The following C4orf33 variants were observed in gnomAD, a reference collection of about 807,000 sequenced individuals.
The protein encoded by C4orf33 is UPF0462 protein C4orf33.
C4orf33 carries 20 observed loss-of-function variants against 24.3 expected under a neutral mutation model. The ratio of observed to expected loss-of-function variants is 0.82; its 90% CI spans 0.58 to 1.19. The LOEUF (loss-of-function observed/expected upper bound fraction) is 1.19, where lower values mean the gene tolerates loss of function less well. Among genes scored for constraint, C4orf33 ranks in the 50% most tolerant of loss-of-function variants. The probability of loss-of-function intolerance (pLI) is 0.00; values close to 1 mark genes in which losing one functional copy is unlikely to be tolerated. For missense variants in C4orf33, 207 were observed against 225.9 expected, an observed-to-expected ratio of 0.92 and a Z score of 0.54; for synonymous variants, 67 against 76.4, an observed-to-expected ratio of 0.88 and a Z score of 0.64.
At chr4:129,108,023 A>G (rs1753568532) in intron 3 of C4orf33, among the ~76,000 whole-genome samples, 1 of 152,104 alleles carries the variant, frequency 6.6e-6, no homozygotes, top group South Asian at 2.1e-4. Context: ...ATAATCAAGA[A>G]TCATAGTTTT....
chr4:129,108,314 A>G (rs1753576287), intron 3 of C4orf33, among the ~76,000 whole-genome samples: 1 of 152,182 alleles, frequency 6.6e-6, no homozygotes, highest in African/African-American at 2.4e-5. Context: ...CTTCATGTAA[A>G]TACATGAAAT....
At chr4:129,094,851 A>C (rs1043351841), upstream of C4orf33, among the ~76,000 whole-genome samples, 2 of 152,238 alleles carry the variant, frequency 1.3e-5, no homozygotes, top group African/African-American at 4.8e-5. Context: ...CTCTTTCTTC[A>C]TAAACATCTC....
In C4orf33 at chr4:129,102,604, A is replaced by T. The variant is rs1757935; in HGVS notation, c.-7A>T. 0.8 allele frequency: 1,272,521 copies of T among 1,586,572 alleles called. 516,988 individuals are homozygous for T. The highest frequency in any genetic ancestry group is 0.88 in the South Asian group (77,046 of 87,428). The stretch of plus-strand genomic sequence containing the variant: ...TGTTTTAACATATTTTCTTTTAGAG[A>T]CTTCAGATGGATTTTAAAATTGAAC... On this transcript the variant is annotated splice_region_variant and 5_prime_UTR_variant, in exon 2 of 6. Coordinates refer to ENST00000425929, the MANE Select transcript of C4orf33 (RefSeq NM_001099783.2).
chr4:129,109,951 A>G (rs1183542940), intron 5 of C4orf33: 10 of 1,188,006 alleles, frequency 8.4e-6, no homozygotes, highest in Admixed American at 4.3e-5. Flanking sequence ...AATAGCTGAT[A>G]TAGAAGTATG....
chr4:129,115,861 T>TAG lies in C4orf33; in HGVS notation c.*4071_*4072insGA, dbSNP rs1221918331. On this transcript the variant is annotated 3_prime_UTR_variant, in exon 6 of 6. Transcript: ENST00000425929. ...TATATGTTTATATATAACATATATATATAGAGAGAGAGCATAAAATGTGCT... is the reference window on the plus strand; with the variant it reads ...TATATGTTTATATATAACATATATATAGATAGAGAGAGAGCATAAAATGTGCT... 28 of 146,474 alleles carry TAG rather than the reference T, an allele frequency of 1.9e-4. No individual in the cohort carries two copies. In the East Asian group the frequency reaches 3.3e-3, roughly 18 times the overall value. The allele number at this position is 146,474 out of a possible 1,614,324, so 9.1% of individuals were successfully genotyped here.
intron 1 of C4orf33, among the ~76,000 whole-genome samples, chr4:129,098,739 A>G (rs1753271491): frequency 6.6e-6 from 1 of 152,248 alleles, no homozygotes; most frequent in South Asian, 2.1e-4. Flanking sequence ...TTCCCTGGTT[A>G]TATGCTAAAT....
In C4orf33 at chr4:129,106,599, T is replaced by G. The variant is rs926789878; in HGVS notation, c.194T>G (p.Phe65Cys). The G allele has an allele frequency of 9.7e-6, 15 of 1,539,124 alleles. No homozygotes were observed. Among genetic ancestry groups the G allele is most frequent in the Middle Eastern group, 1.7e-4 (1 of 5,882 alleles). The change falls in exon 3 of 6, where the codon TTT becomes TGT. Residue 65 changes from phenylalanine (F) to cysteine (C), a missense_variant. Physicochemically the swap from Phe to Cys is radical, Grantham distance 205 (BLOSUM62 -2). Transcript: ENST00000425929. ...CTGTTTTCAAAAGTTGTGGAAGCAT[T>G]TTTCTTGAATGATATAACTGAGCAA... The part of the protein sequence containing the change: ...ELWDYEVVEA[F>C]FLNDITEQYL...
chr4:129,095,718 C>A (rs1285221386), upstream of C4orf33, among the ~76,000 whole-genome samples: 2 of 152,200 alleles, frequency 1.3e-5, no homozygotes, highest in Admixed American at 6.5e-5. Context: ...GATCACACAG[C>A]TGGCAAGTGC....
intron 2 of C4orf33, 129 bp from the exon 3 acceptor site, chr4:129,106,458 C>A: frequency 4.0e-6 from 2 of 496,368 alleles, no homozygotes; most frequent in South Asian, 6.6e-5. Context: ...TTTCTTTGCT[C>A]TTTTTCCTAT....
Position 129,102,932 on chromosome 4 carries a change from C to T in C4orf33, c.181+141C>T, listed in dbSNP as rs190446075. 50 of 628,976 alleles carry T rather than the reference C, an allele frequency of 7.9e-5. No individual in the cohort carries two copies. The East Asian group carries it at 1.4e-3, about 18-fold the overall frequency. 39.0% of individuals were successfully genotyped at this position (628,976 alleles called of 1,614,324 possible). On this transcript the variant is annotated intron_variant, in intron 2 of 5. Transcript: ENST00000425929. Reference sequence around the variant, plus strand: ...ACAGTTTCTGATATTTCCTACCAATCTCTCATTCTGACTTTTTCTCCATTA... The same window carrying T: ...ACAGTTTCTGATATTTCCTACCAATTTCTCATTCTGACTTTTTCTCCATTA...
Position 129,114,889 on chromosome 4 carries a change from T to C in C4orf33, c.*3098T>C, listed in dbSNP as rs963051913. ...TCCTAGGGGATTCATTGAGTCATCC[T>C]TTGGTGTTTCAATGTCAAGTGGTAA... On this transcript the variant is annotated 3_prime_UTR_variant, in exon 6 of 6. Transcript: ENST00000425929. 2 of 152,198 alleles carry C rather than the reference T, an allele frequency of 1.3e-5. No individual in the cohort carries two copies. The highest frequency in any genetic ancestry group is 2.4e-5 in the African/African-American group (1 of 41,434). The allele number at this position is 152,198 out of a possible 1,614,324, so 9.4% of individuals were successfully genotyped here.
At position 129,106,649 on chromosome 4, in the gene C4orf33, T is replaced by TGCTTTTACTTTCTGG; in HGVS notation, c.242+2_242+3insGCTTTTACTTTCTGG. 6.7e-7 allele frequency: 1 copy of TGCTTTTACTTTCTGG among 1,481,542 alleles called. No individual in the cohort carries two copies. The highest frequency in any genetic ancestry group is 9.3e-7 in the Non-Finnish European group (1 of 1,078,912). The allele number at this position is 1,481,542 out of a possible 1,614,324, so 91.8% of individuals were successfully genotyped here. ...ATATTTAGAAGTTGAACTTTGTCCG[T>TGCTTTTACTTTCTGG]AAGTATAAAATGTTTTTTCTTACTT... On this transcript the variant is annotated splice_region_variant and intron_variant, in intron 3 of 5. Transcript: ENST00000425929.
upstream of C4orf33, among the ~76,000 whole-genome samples, chr4:129,094,208 T>A (rs1753099471): frequency 1.3e-5 from 2 of 152,186 alleles, no homozygotes; most frequent in African/African-American, 4.8e-5. Flanking sequence ...AAAAGGTACT[T>A]TTTTTTGCAA....
chr4:129,094,039 T>C (rs1276706306), upstream of C4orf33: 1 of 152,204 alleles, frequency 6.6e-6, no homozygotes, highest in African/African-American at 2.4e-5. Context: ...GTAAGTACCT[T>C]CTCGGTCTTT....
At position 129,112,398 on chromosome 4, in the gene C4orf33, A is replaced by G. The variant is rs1320744957; in HGVS notation, c.*607A>G. ...CATACTATCTAATTACTTTTATATT[A>G]AAGCCACTTCCAGGCAAAACTAATA... On this transcript the variant is annotated 3_prime_UTR_variant, in exon 6 of 6. Coordinates refer to ENST00000425929, the MANE Select transcript of C4orf33 (RefSeq NM_001099783.2). 6.6e-6 allele frequency: 1 copy of G among 152,232 alleles called. No individual in the cohort carries two copies. Among genetic ancestry groups the G allele is most frequent in the African/African-American group, 2.4e-5 (1 of 41,458 alleles). The allele number at this position is 152,232 out of a possible 1,614,324, so 9.4% of individuals were successfully genotyped here.
chr4:129,108,007 T>G (rs1753568154), intron 3 of C4orf33, among the ~76,000 whole-genome samples: 2 of 152,116 alleles, frequency 1.3e-5, no homozygotes, highest in African/African-American at 4.8e-5. Context: ...TGTATCAGGA[T>G]AGTTAATAAT....
In C4orf33 at chr4:129,104,656, C is replaced by T. The variant is rs917075941; in HGVS notation, c.181+1865C>T. 6.6e-5 allele frequency among the ~76,000 whole-genome samples: 10 copies of T among 152,270 alleles called. No individual in the cohort carries two copies. In the East Asian group the frequency reaches 1.9e-3, roughly 29 times the overall value. On this transcript the variant is annotated intron_variant, in intron 2 of 5. Transcript: ENST00000425929. ...GTTTTCTTGCCCTAGAATGCTGTTT[C>T]TATCATTCTTCACCTAGTTCCAAAT...
In C4orf33 at chr4:129,112,195, G is replaced by C. The variant is rs1409570853; in HGVS notation, c.*404G>C. The stretch of plus-strand genomic sequence containing the variant: ...CCCAGAAAAATGACTGCTCATAGCA[G>C]CTTTATTCATAATAGCACAAAATTG... On this transcript the variant is annotated 3_prime_UTR_variant, in exon 6 of 6. Coordinates refer to ENST00000425929, the MANE Select transcript of C4orf33 (RefSeq NM_001099783.2). The C allele has an allele frequency of 1.3e-5, 2 of 154,010 alleles. No individual in the cohort carries two copies. The highest frequency in any genetic ancestry group is 4.8e-5 in the African/African-American group (2 of 41,462). 9.5% of individuals were successfully genotyped at this position (154,010 alleles called of 1,614,324 possible). A position where few individuals can be genotyped will look rare whatever the true frequency, so the allele number is the denominator to read the frequency against.
intron 3 of C4orf33, among the ~76,000 whole-genome samples, chr4:129,108,931 C>T (rs953142558): frequency 2.6e-5 from 4 of 151,912 alleles, no homozygotes; most frequent in South Asian, 2.1e-4. Context: ...TTTGTTGCCA[C>T]GCTGGAGTAC....
Sources: allele counts gnomAD v4.1 joint callset (sites outside exome capture counted in the v4.1 genomes callset), GRCh38; gene constraint gnomAD v4.1.1; transcripts MANE v1.5; gene names NCBI Gene and HGNC (gene_info 2026-07-23, HGNC 2026-07-21).